The following MAP3K5 variants were observed in gnomAD, a reference collection of about 807,000 sequenced individuals.
The protein encoded by MAP3K5 is ASK-1.
MAP3K5 carries 56 observed loss-of-function variants against 158.7 expected under a neutral mutation model. That is an observed-to-expected ratio of 0.35 (90% CI 0.28 to 0.44). MAP3K5 has a LOEUF of 0.44. Among genes scored for constraint, MAP3K5 ranks in the 20% least tolerant of loss-of-function variants. MAP3K5 has a pLI of 1.00. For synonymous variants in MAP3K5, 579 were observed against 601.7 expected (o/e 0.96, Z 0.55); for missense variants, 1,294 against 1,674.8 (o/e 0.77, Z 3.97).
intron 1 of MAP3K5, among the ~76,000 whole-genome samples, chr6:136,771,266 C>T (rs1419030110): frequency 3.9e-5 from 6 of 152,162 alleles, no homozygotes; most frequent in Non-Finnish European, 7.3e-5. Context: ...CTACACTAAT[C>T]TCATTATTAT....
rs995524791 is a variant in MAP3K5, at chr6:136,684,788, G to T, written c.1253+9352C>A. 3.9e-5 allele frequency among the ~76,000 whole-genome samples: 6 copies of T among 152,252 alleles called. No homozygotes were observed. In the East Asian group the frequency reaches 1.2e-3, roughly 29 times the overall value. ...TTAAATCTTTATATTGAAAAGCTATGAGAAAAATGCCACAGCCTTTTAAAT... is the reference window on the plus strand; with the variant it reads ...TTAAATCTTTATATTGAAAAGCTATTAGAAAAATGCCACAGCCTTTTAAAT... On this transcript the variant is annotated intron_variant, in intron 7 of 29. Coordinates refer to ENST00000359015, the MANE Select transcript of MAP3K5 (RefSeq NM_005923.4).
In MAP3K5 at chr6:136,639,574, T is replaced by C. The variant is rs1277744037; in HGVS notation, c.1903A>G (p.Ile635Val). Residue 635 changes from isoleucine to valine, a missense_variant, in exon 13 of 30, where the codon ATC becomes GTC. By Grantham distance (29) the Ile-to-Val change is conservative (BLOSUM62 3). Around this residue, in one of 5 missense-constraint regions of MAP3K5, gnomAD observed 690 missense variants for 870.5 expected, o/e 0.79. Coordinates refer to ENST00000359015, the MANE Select transcript of MAP3K5 (RefSeq NM_005923.4). ...YVLHNSDDFQ[I>V]YFCTELHCKK... is the part of the protein sequence containing the mutation. ...CAATGAAGTTCTGTACAGAAATAGATTTGGAAATCATCAGAATTGTGAAGC... is the reference window on the plus strand; with the variant it reads ...CAATGAAGTTCTGTACAGAAATAGACTTGGAAATCATCAGAATTGTGAAGC... 2 of 1,598,962 alleles carry C rather than the reference T, an allele frequency of 1.3e-6. No homozygotes were observed.
chr6:136,561,343 A>G lies in MAP3K5; in HGVS notation c.3987+190T>C, dbSNP rs564463092. On this transcript the variant is annotated intron_variant, in intron 28 of 29. Transcript: ENST00000359015. ...TACCTTTTTCTTCATAGAATTTACC[A>G]GTGTAGAATCACATTTGTATCTGTG... Among the ~76,000 whole-genome samples, 9 of 152,290 alleles carry G rather than the reference A, an allele frequency of 5.9e-5. No individual in the cohort carries two copies. The South Asian group carries it at 8.3e-4, about 14-fold the overall frequency.
At chr6:136,764,895 T>C (rs1309780382) in intron 1 of MAP3K5, among the ~76,000 whole-genome samples, 1 of 152,190 alleles carries the variant, frequency 6.6e-6, no homozygotes, top group Non-Finnish European at 1.5e-5. Context: ...TCTCACTGCA[T>C]CTCAGAAGCT....
chr6:136,667,903 C>T (rs1401778048), intron 8 of MAP3K5, among the ~76,000 whole-genome samples: 1 of 151,658 alleles, frequency 6.6e-6, no homozygotes, highest in East Asian at 1.9e-4. Flanking sequence ...CCCTGCTATC[C>T]CACAGTAATA....
intron 1 of MAP3K5, among the ~76,000 whole-genome samples, chr6:136,722,918 C>T (rs1253331694): frequency 2.6e-5 from 4 of 151,880 alleles, no homozygotes; most frequent in African/African-American, 4.8e-5. Flanking sequence ...AAACTCCTGA[C>T]CTCAAGCAAT....
chr6:136,792,747 G>T (rs1294397428), upstream of MAP3K5, among the ~76,000 whole-genome samples: 2 of 152,200 alleles, frequency 1.3e-5, no homozygotes, highest in African/African-American at 2.4e-5. The surrounding 1 kb of genome is among the most constrained non-coding windows in gnomAD (Gnocchi z 5.7). Context: ...TCATCGGGTG[G>T]ATTTCCTCCT....
chr6:136,729,609 C>CA (rs1353457347), intron 1 of MAP3K5, among the ~76,000 whole-genome samples: 1 of 152,182 alleles, frequency 6.6e-6, no homozygotes, highest in Admixed American at 6.5e-5. Flanking sequence ...ATATTGAAGG[C>CA]AAACTTATGA....
chr6:136,581,049 G>A (rs1041196231), intron 24 of MAP3K5, among the ~76,000 whole-genome samples: 1 of 152,002 alleles, frequency 6.6e-6, no homozygotes, highest in African/African-American at 2.4e-5. Context: ...TACCATCACC[G>A]CCATCCATCC....
At chr6:136,661,477 C>A (rs901265606) in intron 8 of MAP3K5, among the ~76,000 whole-genome samples, 2 of 152,176 alleles carry the variant, frequency 1.3e-5, no homozygotes, top group Non-Finnish European at 1.5e-5. Context: ...CTCAATGCAG[C>A]CTTGAATTTC....
intron 1 of MAP3K5, among the ~76,000 whole-genome samples, chr6:136,737,300 C>T (rs1057040654): frequency 1.4e-4 from 22 of 152,080 alleles, no homozygotes; most frequent in African/African-American, 5.1e-4. Flanking sequence ...GCTCACTACA[C>T]CTGGGTGATG....
chr6:136,645,910 A>G (rs565263773), intron 11 of MAP3K5, among the ~76,000 whole-genome samples: 1 of 152,330 alleles, frequency 6.6e-6, no homozygotes, highest in South Asian at 2.1e-4. Context: ...AAAAATTTTT[A>G]AACATTCTGT....
Position 136,713,117 on chromosome 6 carries a change from A to C in MAP3K5, c.588+7333T>G, listed in dbSNP as rs147573097. Among the ~76,000 whole-genome samples the C allele has an allele frequency of 4.4e-3, 665 of 152,332 alleles. 3 individuals carry two copies. The highest frequency in any genetic ancestry group is 0.015 in the African/African-American group (611 of 41,580). ...TGCCAAAAAGATCAACTTCCACAGA[A>C]AGAGTCATTTATATAGCATAAGTGA... On this transcript the variant is annotated intron_variant, in intron 2 of 29. Transcript: ENST00000359015.
At chr6:136,612,588 C>G (rs1372248654) in intron 17 of MAP3K5, among the ~76,000 whole-genome samples, 1 of 152,008 alleles carries the variant, frequency 6.6e-6, no homozygotes, top group Non-Finnish European at 1.5e-5. Flanking sequence ...TGTATTAGTT[C>G]TGAATTTTCT....
In MAP3K5 at chr6:136,557,560, C is replaced by A. The variant is rs969641868; in HGVS notation, c.*198G>T. On this transcript the variant is annotated 3_prime_UTR_variant, in exon 30 of 30. Transcript: ENST00000359015. ...TATTTTAAGAGTCCTTATGAAGAGT[C>A]CTTAAAAATTATAGAAATAGATGTA... 30 of 525,000 alleles carry A rather than the reference C, an allele frequency of 5.7e-5. No homozygotes were observed. The highest frequency in any genetic ancestry group is 9.5e-5 in the Non-Finnish European group (28 of 295,856). 32.5% of individuals were successfully genotyped at this position (525,000 alleles called of 1,614,324 possible). A position where few individuals can be genotyped will look rare whatever the true frequency, so the allele number is the denominator to read the frequency against.
At chr6:136,711,204 A>G (rs1781292219) in intron 2 of MAP3K5, among the ~76,000 whole-genome samples, 1 of 152,162 alleles carries the variant, frequency 6.6e-6, no homozygotes. Context: ...CTTAAAAAAA[A>G]AACCTAGAAA....
chr6:136,671,281 T>C (rs923283875), intron 7 of MAP3K5, among the ~76,000 whole-genome samples: 1 of 152,214 alleles, frequency 6.6e-6, no homozygotes, highest in Non-Finnish European at 1.5e-5. Flanking sequence ...CCAACCTAAA[T>C]GAATATTTGG....
intron 10 of MAP3K5, among the ~76,000 whole-genome samples, chr6:136,652,277 AC>A (rs1778550780): frequency 6.6e-6 from 1 of 152,190 alleles, no homozygotes; most frequent in African/African-American, 2.4e-5. Flanking sequence ...GTAGAAAAAA[AC>A]AATTTTTCTT....
chr6:136,729,334 A>G (rs778942749), intron 1 of MAP3K5, among the ~76,000 whole-genome samples: 3 of 150,228 alleles, frequency 2.0e-5, no homozygotes, highest in East Asian at 1.9e-4. Context: ...GACGTCAGAC[A>G]ATACCTCGAA....
Sources: allele counts gnomAD v4.1 joint callset (sites outside exome capture counted in the v4.1 genomes callset), GRCh38; gene constraint gnomAD v4.1.1; regional missense constraint gnomAD v4.1.1; non-coding constraint Gnocchi (gnomAD v3.1); transcripts MANE v1.5; gene names NCBI Gene and HGNC (gene_info 2026-07-23, HGNC 2026-07-21).